The following GALNTL6 variants were observed in gnomAD, a reference collection of about 807,000 sequenced individuals.
The protein encoded by GALNTL6 is polypeptide N-acetylgalactosaminyltransferase-like 6.
Under a neutral mutation model 73.7 loss-of-function variants are expected in GALNTL6, and 46 were observed. That is an observed-to-expected ratio of 0.62 (90% CI 0.49 to 0.80). The LOEUF (loss-of-function observed/expected upper bound fraction) is 0.80. Among genes scored for constraint, GALNTL6 ranks in the 30% least tolerant of loss-of-function variants. GALNTL6 has a pLI of 0.00. For missense variants in GALNTL6, 604 were observed against 755.0 expected (o/e 0.80, Z 2.34); for synonymous variants, 259 against 263.7 (o/e 0.98, Z 0.17).
chr4:172,456,051 G>C (rs1029854451), intron 5 of GALNTL6, among the ~76,000 whole-genome samples: 1 of 152,160 alleles, frequency 6.6e-6, no homozygotes, highest in African/African-American at 2.4e-5. Context: ...TGATACTCAG[G>C]TAAACAGGGT....
intron 5 of GALNTL6, among the ~76,000 whole-genome samples, chr4:172,692,319 A>T (rs1733360250): frequency 6.6e-6 from 1 of 152,088 alleles, no homozygotes; most frequent in Non-Finnish European, 1.5e-5. Flanking sequence ...AATATATATT[A>T]TTAAATGTCT....
intron 5 of GALNTL6, among the ~76,000 whole-genome samples, chr4:172,400,303 C>T (rs1409916022): frequency 6.6e-6 from 1 of 152,102 alleles, no homozygotes; most frequent in Non-Finnish European, 1.5e-5. Context: ...CTATTAACCT[C>T]TAAGGAAAAT....
intron 5 of GALNTL6, among the ~76,000 whole-genome samples, chr4:172,756,136 A>G (rs931808442): frequency 2.6e-5 from 4 of 152,240 alleles, no homozygotes; most frequent in African/African-American, 9.6e-5. Flanking sequence ...CTTCAGAAGT[A>G]AGTTATTATA....
intron 2 of GALNTL6, among the ~76,000 whole-genome samples, chr4:171,959,955 C>A (rs1739172806): frequency 6.6e-6 from 1 of 152,106 alleles, no homozygotes; most frequent in Non-Finnish European, 1.5e-5. Context: ...GTAAAGCAAC[C>A]ACAAAATAAA....
In GALNTL6 at chr4:171,889,886, G is replaced by A. The variant is rs116200430; in HGVS notation, c.138+75168G>A. On this transcript the variant is annotated intron_variant, in intron 2 of 12. Transcript: ENST00000506823. ...ATTTTCTAAGACTCACATACGGTAT[G>A]TTTTGCAAATATTCTACCACACTTG... Among the ~76,000 whole-genome samples the A allele has an allele frequency of 5.4e-3, 820 of 152,146 alleles. 8 individuals are homozygous for A. The highest frequency in any genetic ancestry group is 6.8e-3 in the Middle Eastern group (2 of 294).
intron 5 of GALNTL6, among the ~76,000 whole-genome samples, chr4:172,368,125 A>G (rs992311869): frequency 1.9e-4 from 29 of 152,168 alleles, no homozygotes; most frequent in African/African-American, 7.0e-4. Flanking sequence ...TCAGGTCTGT[A>G]ATCTCAGAAC....
intron 5 of GALNTL6, among the ~76,000 whole-genome samples, chr4:172,761,778 TC>T (rs1201138218): frequency 6.6e-6 from 1 of 152,014 alleles, no homozygotes; most frequent in Non-Finnish European, 1.5e-5. Context: ...TCCTGAGGCC[TC>T]CTAGTCATGC....
chr4:172,470,526 C>T (rs1317513232), intron 5 of GALNTL6, among the ~76,000 whole-genome samples: 1 of 152,108 alleles, frequency 6.6e-6, no homozygotes, highest in Non-Finnish European at 1.5e-5. Flanking sequence ...CCAAAATCAA[C>T]CGAAGGCCTG....
chr4:172,379,535 T>C (rs866955427), intron 5 of GALNTL6, among the ~76,000 whole-genome samples: 1 of 3,124 alleles, frequency 3.2e-4, no homozygotes. Context: ...AGACTCCGTC[T>C]CAAAAAAAAA....
chr4:171,911,447 C>A (rs1737475395), intron 2 of GALNTL6, among the ~76,000 whole-genome samples: 1 of 152,216 alleles, frequency 6.6e-6, no homozygotes, highest in Non-Finnish European at 1.5e-5. Context: ...CCACTGCGCC[C>A]AGCCCCTCCG....
intron 8 of GALNTL6, among the ~76,000 whole-genome samples, chr4:172,895,397 TATATA>T (rs765906368): frequency 1.3e-5 from 2 of 149,066 alleles, no homozygotes; most frequent in South Asian, 2.1e-4. Flanking sequence ...TATATATATA[TATATA>T]TTTTTTTTTT....
intron 5 of GALNTL6, among the ~76,000 whole-genome samples, chr4:172,368,942 T>C (rs1561049391): frequency 6.6e-6 from 1 of 152,160 alleles, no homozygotes; most frequent in Non-Finnish European, 1.5e-5. Context: ...GTATTACAGC[T>C]CATAAAGGCG....
At chr4:172,663,911 C>T (rs1393538817) in intron 5 of GALNTL6, among the ~76,000 whole-genome samples, 3 of 141,256 alleles carry the variant, frequency 2.1e-5, no homozygotes, top group Non-Finnish European at 4.5e-5. Flanking sequence ...GCCTGGGTGA[C>T]AAAGTGAGAC....
intron 2 of GALNTL6, among the ~76,000 whole-genome samples, chr4:172,194,803 A>T (rs771193751): frequency 5.9e-5 from 9 of 152,206 alleles, no homozygotes; most frequent in Non-Finnish European, 1.3e-4. Flanking sequence ...GAAGCACTGA[A>T]TATGGAAAGG....
In GALNTL6 at chr4:171,921,260, A is replaced by G. The variant is rs1737777638; in HGVS notation, c.138+106542A>G. Among the ~76,000 whole-genome samples, 4 of 152,070 alleles carry G rather than the reference A, an allele frequency of 2.6e-5. No homozygotes were observed. In the South Asian group the frequency reaches 8.3e-4, roughly 31 times the overall value. On this transcript the variant is annotated intron_variant, in intron 2 of 12. Transcript: ENST00000506823. ...TTATCAATACCAGATGACCAAAGTA[A>G]ATACTTACTGACTATGTGTCGACCA... is the stretch of plus-strand genomic sequence containing the variant.
At chr4:172,320,945 C>A (rs1740737010) in intron 4 of GALNTL6, among the ~76,000 whole-genome samples, 1 of 152,102 alleles carries the variant, frequency 6.6e-6, no homozygotes, top group Admixed American at 6.5e-5. Context: ...TCTGTGATTT[C>A]ACTTTTGGAG....
chr4:172,754,045 A>C (rs1170361917), intron 5 of GALNTL6, among the ~76,000 whole-genome samples: 1 of 152,212 alleles, frequency 6.6e-6, no homozygotes, highest in Non-Finnish European at 1.5e-5. Context: ...GAGGAAAATT[A>C]TACTTTTTAC....
intron 8 of GALNTL6, among the ~76,000 whole-genome samples, chr4:172,886,781 A>G (rs1170379182): frequency 6.6e-6 from 1 of 152,074 alleles, no homozygotes; most frequent in Non-Finnish European, 1.5e-5. Context: ...AAAAAAATCA[A>G]TTTTACAGTT....
rs76010303 is a variant in GALNTL6 at position 172,128,069 on chromosome 4, A to G, written c.139-101587A>G. On this transcript the variant is annotated intron_variant, in intron 2 of 12. Transcript: ENST00000506823. ...CAGTGCACCGAGATGGTGCCATTGCATATCAGCCTGGACGACAGAACAAGA... is the reference window on the plus strand; with the variant it reads ...CAGTGCACCGAGATGGTGCCATTGCGTATCAGCCTGGACGACAGAACAAGA... Among the ~76,000 whole-genome samples, 1,234 of 152,292 alleles carry G rather than the reference A, an allele frequency of 8.1e-3. 19 individuals are homozygous for G. The highest frequency in any genetic ancestry group is 0.028 in the African/African-American group (1,165 of 41,560).
Sources: gnomAD v4.1 joint callset for allele counts (sites outside exome capture counted in the v4.1 genomes callset) on GRCh38, gnomAD v4.1.1 for gene constraint, MANE v1.5 for transcripts, NCBI Gene and HGNC (gene_info 2026-07-23, HGNC 2026-07-21) for gene names.